PIP5K1B: variants seen among roughly 807,000 people sequenced by gnomAD.
The protein encoded by PIP5K1B is phosphatidylinositol-4-phosphate 5-kinase type 1 beta.
PIP5K1B carries 42 observed loss-of-function variants against 67.0 expected under a neutral mutation model. The ratio of observed to expected loss-of-function variants is 0.63; its 90% CI spans 0.49 to 0.81. The LOEUF (loss-of-function observed/expected upper bound fraction) is 0.81. Ranked by LOEUF, PIP5K1B falls within the 30% of genes least tolerant of loss-of-function variation. The probability of loss-of-function intolerance (pLI) is 0.00; values close to 1 mark genes in which losing one functional copy is unlikely to be tolerated. For missense variants in PIP5K1B, 459 were observed against 646.3 expected, an observed-to-expected ratio of 0.71 and a Z score of 3.14; for synonymous variants, 214 against 231.4, an observed-to-expected ratio of 0.92 and a Z score of 0.68.
At chr9:68,955,739 T>C (rs1199100687) in intron 14 of PIP5K1B, among the ~76,000 whole-genome samples, 1 of 152,230 alleles carries the variant, frequency 6.6e-6, no homozygotes, top group African/African-American at 2.4e-5. Context: ...ATAGCACTTT[T>C]ATAGTAATAT....
intron 2 of PIP5K1B, among the ~76,000 whole-genome samples, chr9:68,778,237 A>AATCG (rs1831022357): frequency 3.3e-5 from 5 of 152,202 alleles, no homozygotes; most frequent in Admixed American, 3.3e-4. Flanking sequence ...TTTGAACCTC[A>AATCG]ATCGTTCCTT....
At chr9:68,949,728 G>T (rs916249596) in intron 14 of PIP5K1B, among the ~76,000 whole-genome samples, 1 of 152,190 alleles carries the variant, frequency 6.6e-6, no homozygotes, top group Non-Finnish European at 1.5e-5. Context: ...TGTGAATCGG[G>T]CAGCCCCCAG....
At position 68,968,268 on chromosome 9, in the gene PIP5K1B, C is replaced by T. The variant is rs564674927; in HGVS notation, c.1503-22872C>T. On this transcript the variant is annotated intron_variant, in intron 14 of 15. Coordinates refer to ENST00000265382, the MANE Select transcript of PIP5K1B (RefSeq NM_003558.4). Reference sequence around the variant, plus strand: ...GGCATGGTGGCTCACACCTGTAATCCCCGCATTTTGGGAGGCCGAGGCAGG... The same window carrying T: ...GGCATGGTGGCTCACACCTGTAATCTCCGCATTTTGGGAGGCCGAGGCAGG... Among the ~76,000 whole-genome samples the T allele has an allele frequency of 2.6e-5, 4 of 152,208 alleles. No homozygotes were observed. In the South Asian group the frequency reaches 8.3e-4, roughly 32 times the overall value.
intron 4 of PIP5K1B, among the ~76,000 whole-genome samples, chr9:68,831,199 A>C (rs1355034714): frequency 6.6e-6 from 1 of 152,230 alleles, no homozygotes; most frequent in African/African-American, 2.4e-5. Flanking sequence ...GAAGAATGTT[A>C]TCAAATATAT....
intron 14 of PIP5K1B, among the ~76,000 whole-genome samples, chr9:68,982,112 G>A (rs1366815126): frequency 2.6e-5 from 4 of 152,190 alleles, no homozygotes; most frequent in Non-Finnish European, 5.9e-5. Flanking sequence ...GCAGAACCTA[G>A]GCAGGCAGCC....
intron 15 of PIP5K1B, among the ~76,000 whole-genome samples, chr9:68,993,893 G>A (rs1830488471): frequency 6.6e-6 from 1 of 152,086 alleles, no homozygotes; most frequent in African/African-American, 2.4e-5. Context: ...CCCTGTTGTT[G>A]TTATTGACCA....
chr9:68,810,818 GA>G (rs148258866), intron 2 of PIP5K1B, among the ~76,000 whole-genome samples: 14,530 of 152,172 alleles, frequency 0.095, 852 homozygotes, highest in Non-Finnish European at 0.14. Context: ...AGTTTTATAG[GA>G]AAAAATTATG....
chr9:68,857,992 A>G (rs1421424562), intron 4 of PIP5K1B, among the ~76,000 whole-genome samples: 1 of 67,174 alleles, frequency 1.5e-5, no homozygotes, highest in Non-Finnish European at 3.9e-5. Flanking sequence ...TGTTGTTGTT[A>G]AGACTGAGTC....
intron 2 of PIP5K1B, among the ~76,000 whole-genome samples, chr9:68,764,696 AAAAGTAATAATGCTAGCAAAGAC>A (rs1480520028): frequency 6.6e-6 from 1 of 152,128 alleles, no homozygotes; most frequent in Non-Finnish European, 1.5e-5. Context: ...TGTCAAAACA[AAAAGTAATAATGCTAGCAAAGAC>A]AAAGAATTTA....
At chr9:68,891,020 G>A (rs553731841) in intron 7 of PIP5K1B, among the ~76,000 whole-genome samples, 86 of 152,232 alleles carry the variant, frequency 5.6e-4, no homozygotes, top group African/African-American at 1.7e-3. Context: ...GGCCAAGGTG[G>A]GTGGATCACT....
chr9:68,957,967 G>C (rs1828490768), intron 14 of PIP5K1B, among the ~76,000 whole-genome samples: 1 of 151,846 alleles, frequency 6.6e-6, no homozygotes. Flanking sequence ...TCTGCCTCCT[G>C]GCTCAAGCGA....
chr9:68,719,314 A>C (rs1044423314), intron 1 of PIP5K1B, among the ~76,000 whole-genome samples: 1 of 152,212 alleles, frequency 6.6e-6, no homozygotes, highest in Non-Finnish European at 1.5e-5. Context: ...GCAATGCTTT[A>C]TGCCTTTAAA....
At chr9:68,728,342 C>T (rs1419545105) in intron 1 of PIP5K1B, among the ~76,000 whole-genome samples, 1 of 152,114 alleles carries the variant, frequency 6.6e-6, no homozygotes, top group African/African-American at 2.4e-5. Context: ...TCCTCACATG[C>T]AGACAGCAGA....
intron 1 of PIP5K1B, among the ~76,000 whole-genome samples, chr9:68,729,208 A>C (rs1351488130): frequency 6.6e-6 from 1 of 152,236 alleles, no homozygotes; most frequent in East Asian, 1.9e-4. Context: ...AAGGTTTAAC[A>C]AGAATTTAAA....
At chr9:68,868,354 T>C (rs1823460202) in intron 5 of PIP5K1B, among the ~76,000 whole-genome samples, 2 of 152,216 alleles carry the variant, frequency 1.3e-5, no homozygotes. Flanking sequence ...TCAAGCATAG[T>C]TTTATTCATA....
intron 1 of PIP5K1B, among the ~76,000 whole-genome samples, chr9:68,729,580 G>A (rs569653308): frequency 3.3e-5 from 5 of 152,238 alleles, no homozygotes; most frequent in East Asian, 1.9e-4. Flanking sequence ...TCAGTATCCC[G>A]AATATGTAAG....
intron 1 of PIP5K1B, among the ~76,000 whole-genome samples, chr9:68,725,035 A>G (rs1399753989): frequency 6.6e-6 from 1 of 152,028 alleles, no homozygotes; most frequent in African/African-American, 2.4e-5. Flanking sequence ...AAGATCTACA[A>G]CACCCAGTGC....
At chr9:68,894,767 A>G (rs1235934985) in intron 8 of PIP5K1B, 129 bp downstream of exon 8, 11 of 835,498 alleles carry the variant, frequency 1.3e-5, no homozygotes, top group South Asian at 8.7e-5. Flanking sequence ...ATCTTTCCCA[A>G]TCCTGGCGCT....
At chr9:68,988,607 T>C (rs1215296915) in intron 14 of PIP5K1B, among the ~76,000 whole-genome samples, 1 of 151,866 alleles carries the variant, frequency 6.6e-6, no homozygotes, top group East Asian at 1.9e-4. Flanking sequence ...GTGCCACCAT[T>C]CCCGGCTAAT....
Sources: allele counts gnomAD v4.1 joint callset (sites outside exome capture counted in the v4.1 genomes callset), GRCh38; gene constraint gnomAD v4.1.1; transcripts MANE v1.5; gene names NCBI Gene and HGNC (gene_info 2026-07-23, HGNC 2026-07-21).